SYN3: variants seen among roughly 807,000 people sequenced by gnomAD.
The protein encoded by SYN3 is synapsin-3.
In SYN3, 35 loss-of-function variants were observed where a neutral mutation model predicts 65.8. The observed-to-expected ratio is 0.53, with a 90% CI of 0.41 to 0.70. The LOEUF (loss-of-function observed/expected upper bound fraction) is 0.70. Ranked by LOEUF, SYN3 falls within the 30% of genes least tolerant of loss-of-function variation. The pLI is 0.00. For missense variants in SYN3, 680 were observed against 749.0 expected, an observed-to-expected ratio of 0.91 and a Z score of 1.08; for synonymous variants, 270 against 292.9, an observed-to-expected ratio of 0.92 and a Z score of 0.80.
chr22:33,016,456 A>C (rs1014080511), intron 1 of SYN3, among the ~76,000 whole-genome samples: 2 of 152,198 alleles, frequency 1.3e-5, no homozygotes, highest in Non-Finnish European at 2.9e-5. Context: ...TTCTTTGATA[A>C]AAGGAAATAA....
intron 6 of SYN3, among the ~76,000 whole-genome samples, chr22:32,666,205 T>C (rs2060287576): frequency 6.6e-6 from 1 of 152,222 alleles, no homozygotes; most frequent in South Asian, 2.1e-4. Flanking sequence ...ATCTTTGAAT[T>C]GGTCTCATTT....
chr22:32,560,309 G>A (rs1045679333), intron 7 of SYN3, among the ~76,000 whole-genome samples: 2 of 152,186 alleles, frequency 1.3e-5, no homozygotes, highest in African/African-American at 4.8e-5. Context: ...TCTGCCTTAG[G>A]CCTCTTGGTC....
chr22:32,956,041 C>CACATATATATAT (rs541947799), intron 3 of SYN3, among the ~76,000 whole-genome samples: 3 of 130,678 alleles, frequency 2.3e-5, no homozygotes, highest in Admixed American at 7.5e-5. Flanking sequence ...AATAAATTCA[C>CACATATATATAT]ATATATATAT....
chr22:32,653,017 A>C (rs1450826859), intron 6 of SYN3, among the ~76,000 whole-genome samples: 1 of 152,206 alleles, frequency 6.6e-6, no homozygotes, highest in Non-Finnish European at 1.5e-5. Context: ...CTTGGCCTAG[A>C]GGCAATATTA....
intron 7 of SYN3, among the ~76,000 whole-genome samples, chr22:32,565,023 T>C (rs1201320071): frequency 6.7e-6 from 1 of 149,434 alleles, no homozygotes; most frequent in Admixed American, 6.6e-5. Context: ...CAAACAGTGC[T>C]CCCGGACTGC....
At chr22:32,844,249 T>C (rs141118462) in intron 6 of SYN3, among the ~76,000 whole-genome samples, 1 of 152,264 alleles carries the variant, frequency 6.6e-6, no homozygotes, top group East Asian at 1.9e-4. Context: ...CTCAAGGGTA[T>C]CTTGCCCCAC....
chr22:32,914,438 GT>G (rs137545), intron 4 of SYN3, among the ~76,000 whole-genome samples: 93,421 of 119,482 alleles, frequency 0.78, 35,464 homozygotes, highest in East Asian at 0.85. Flanking sequence ...ATCATGTGGA[GT>G]TTTTTTTTTT....
intron 3 of SYN3, among the ~76,000 whole-genome samples, chr22:32,935,392 C>T (rs1290668906): frequency 6.6e-6 from 1 of 151,588 alleles, no homozygotes; most frequent in Non-Finnish European, 1.5e-5. Flanking sequence ...AAATATTCTG[C>T]ATGAGCTAAC....
intron 10 of SYN3, 155 bp from the exon 11 acceptor site, chr22:32,529,163 G>A (rs559997552): frequency 3.0e-4 from 261 of 873,538 alleles, no homozygotes; most frequent in Non-Finnish European, 4.2e-4. Context: ...GGACTGGCCG[G>A]CAGCGACATC....
intron 1 of SYN3, among the ~76,000 whole-genome samples, chr22:33,031,120 G>A (rs1208437078): frequency 6.6e-6 from 1 of 152,222 alleles, no homozygotes; most frequent in East Asian, 1.9e-4. Context: ...GCCTAAGGCA[G>A]GGCAGATGGC....
chr22:32,716,742 C>T (rs566405901), intron 6 of SYN3, among the ~76,000 whole-genome samples: 6 of 152,146 alleles, frequency 3.9e-5, no homozygotes, highest in Non-Finnish European at 8.8e-5. Context: ...AGGCTGGTCT[C>T]GAATTCCTGA....
chr22:32,659,895 C>T (rs2060193430), intron 6 of SYN3, among the ~76,000 whole-genome samples: 1 of 152,174 alleles, frequency 6.6e-6, no homozygotes, highest in South Asian at 2.1e-4. Context: ...GGAGGCTGTA[C>T]TAGACAATAC....
At chr22:32,751,562 G>A (rs1037767080) in intron 6 of SYN3, among the ~76,000 whole-genome samples, 2 of 152,188 alleles carry the variant, frequency 1.3e-5, no homozygotes, top group Non-Finnish European at 2.9e-5. Flanking sequence ...GTGGGTGCCC[G>A]GCAGAACTGG....
intron 1 of SYN3, among the ~76,000 whole-genome samples, chr22:33,012,816 G>T (rs2053380787): frequency 6.6e-6 from 1 of 152,234 alleles, no homozygotes; most frequent in Non-Finnish European, 1.5e-5. Flanking sequence ...AGTTCCAGCT[G>T]CTCCATGCCA....
intron 6 of SYN3, among the ~76,000 whole-genome samples, chr22:32,703,569 G>A (rs180829693): frequency 2.0e-5 from 3 of 151,842 alleles, no homozygotes; most frequent in South Asian, 4.2e-4. Flanking sequence ...CCCGGGAGGC[G>A]GAGCTTGCAG....
At position 32,801,787 on chromosome 22, in the gene SYN3, GA is replaced by G. The variant is rs2046589502; in HGVS notation, c.711+63127del. ...CCTCCAGCTCCTGCTCCTTCGCCGGGAGGCCGCCCGCCGAGTCCTGCGCCAG... is the reference window on the plus strand; with the variant it reads ...CCTCCAGCTCCTGCTCCTTCGCCGGGGGCCGCCCGCCGAGTCCTGCGCCAG... On this transcript the variant is annotated intron_variant, in intron 6 of 13. Transcript: ENST00000358763. This position sits in a 1 kb window ranked among gnomAD's most constrained non-coding sequence, Gnocchi z 4.7. The G allele has an allele frequency of 5.4e-6, 2 of 367,430 alleles. No homozygotes were observed. The highest frequency in any genetic ancestry group is 8.5e-6 in the Non-Finnish European group (2 of 235,876). The allele number at this position is 367,430 out of a possible 1,614,324, so 22.8% of individuals were successfully genotyped here.
At chr22:32,607,300 C>T (rs1015088367) in intron 6 of SYN3, among the ~76,000 whole-genome samples, 1 of 152,168 alleles carries the variant, frequency 6.6e-6, no homozygotes, top group Non-Finnish European at 1.5e-5. Flanking sequence ...TGATCCCGGC[C>T]GCCAGGTGCT....
At chr22:32,530,831 C>T (rs2058056846) in intron 10 of SYN3, among the ~76,000 whole-genome samples, 3 of 151,852 alleles carry the variant, frequency 2.0e-5, no homozygotes, top group South Asian at 2.1e-4. Context: ...GGTGAAACCC[C>T]GTCTCTACTA....
rs10666789 is a variant in SYN3, at chr22:32,549,888, C to CAAAAAA, written c.775-8181_775-8176dup. 2.7e-3 allele frequency among the ~76,000 whole-genome samples: 382 copies of CAAAAAA among 142,004 alleles called. 1 individual carries two copies. Among genetic ancestry groups the CAAAAAA allele is most frequent in the Non-Finnish European group, 3.6e-3 (236 of 65,666 alleles). The allele number at this position is 142,004 out of a possible 152,430, so 93.2% of individuals were successfully genotyped here. A position where few individuals can be genotyped will look rare whatever the true frequency, so the allele number is the denominator to read the frequency against. ...TGGGCAGCACAGCGAGACTCTGTCT[C>CAAAAAA]AAAAAAAAAAAATGCAATGAAGGAA... On this transcript the variant is annotated intron_variant, in intron 7 of 13. Transcript: ENST00000358763.
Sources: gnomAD v4.1 joint callset for allele counts (sites outside exome capture counted in the v4.1 genomes callset) on GRCh38, gnomAD v4.1.1 for gene constraint, Gnocchi (gnomAD v3.1) non-coding constraint, MANE v1.5 for transcripts, NCBI Gene and HGNC (gene_info 2026-07-23, HGNC 2026-07-21) for gene names.